STOX2: variants seen among roughly 807,000 people sequenced by gnomAD.
The protein encoded by STOX2 is storkhead box 2.
In STOX2, 28 loss-of-function variants were observed where a neutral mutation model predicts 60.9. The ratio of observed to expected loss-of-function variants is 0.46; its 90% CI spans 0.34 to 0.63. The LOEUF (loss-of-function observed/expected upper bound fraction) is 0.63, where lower values mean the gene tolerates loss of function less well. Ranked by LOEUF, STOX2 falls within the 30% of genes least tolerant of loss-of-function variation. The pLI is 0.01. For synonymous variants in STOX2, 472 were observed against 463.9 expected (o/e 1.02, Z -0.22); for missense variants, 1,024 against 1,187.7 (o/e 0.86, Z 2.03).
At chr4:183,981,959 C>T (rs150760672) in intron 1 of STOX2, among the ~76,000 whole-genome samples, 6 of 152,264 alleles carry the variant, frequency 3.9e-5, no homozygotes, top group African/African-American at 7.2e-5. Flanking sequence ...AACAACAAAA[C>T]GCAAAGTGCA....
intron 1 of STOX2, among the ~76,000 whole-genome samples, chr4:183,929,055 CTTGCCG>C (rs1742334084): frequency 6.6e-6 from 1 of 152,210 alleles, no homozygotes; most frequent in Admixed American, 6.5e-5. Context: ...GTATGTTTCA[CTTGCCG>C]TCTTAATTTT....
intron 1 of STOX2, among the ~76,000 whole-genome samples, chr4:183,861,139 A>G (rs1282282843): frequency 2.6e-5 from 4 of 152,208 alleles, no homozygotes; most frequent in Non-Finnish European, 4.4e-5. Context: ...CTCCTAACTA[A>G]AAGTGCTGTT....
chr4:183,899,129 G>A (rs1242083911), intron 1 of STOX2, among the ~76,000 whole-genome samples: 2 of 152,098 alleles, frequency 1.3e-5, no homozygotes, highest in Non-Finnish European at 2.9e-5. Flanking sequence ...GGGGCTCCAC[G>A]AAGTGTGCCC....
chr4:183,891,085 G>A (rs1741197274), intron 1 of STOX2, among the ~76,000 whole-genome samples: 1 of 152,038 alleles, frequency 6.6e-6, no homozygotes, highest in Non-Finnish European at 1.5e-5. Flanking sequence ...ACCCCAGCCT[G>A]GGCAACAGAG....
intron 1 of STOX2, among the ~76,000 whole-genome samples, chr4:183,863,271 C>T (rs760165753): frequency 6.6e-6 from 1 of 152,188 alleles, no homozygotes; most frequent in African/African-American, 2.4e-5. Flanking sequence ...CTGTGCCCCC[C>T]ACACCAGGCC....
intron 1 of STOX2, among the ~76,000 whole-genome samples, chr4:183,871,843 CA>C (rs562343993): frequency 3.0e-4 from 44 of 146,774 alleles, no homozygotes; most frequent in Admixed American, 7.5e-4. Flanking sequence ...CATTCAATAC[CA>C]AAAAAAAAAT....
At chr4:183,946,991 A>T (rs1158686157) in intron 1 of STOX2, among the ~76,000 whole-genome samples, 1 of 152,144 alleles carries the variant, frequency 6.6e-6, no homozygotes, top group Admixed American at 6.5e-5. Context: ...ATGATTTAAA[A>T]TATATGTAGG....
At chr4:183,847,630 A>G (rs1740017663) in intron 1 of STOX2, among the ~76,000 whole-genome samples, 1 of 152,184 alleles carries the variant, frequency 6.6e-6, no homozygotes, top group Admixed American at 6.5e-5. Context: ...CTTCAAGACC[A>G]CAATCGAACT....
upstream of STOX2, among the ~76,000 whole-genome samples, chr4:183,904,296 A>G (rs191223454): frequency 7.3e-4 from 111 of 152,358 alleles, no homozygotes; most frequent in Non-Finnish European, 1.2e-3. Context: ...GGGTCCGTAA[A>G]TATCTGTGGG....
intron 1 of STOX2, among the ~76,000 whole-genome samples, chr4:183,893,225 A>G (rs1038982669): frequency 6.6e-6 from 1 of 151,478 alleles, no homozygotes; most frequent in African/African-American, 2.4e-5. Context: ...TTCCGCTCGT[A>G]TCTACTGAGA....
chr4:184,016,426 G>C (rs1458753926), intron 3 of STOX2: 1 of 151,740 alleles, frequency 6.6e-6, no homozygotes, highest in Non-Finnish European at 1.5e-5. Context: ...TCCTGCCGAA[G>C]TGGGGCAGAA....
chr4:183,932,711 C>G (rs1742474300), intron 1 of STOX2, among the ~76,000 whole-genome samples: 1 of 124,850 alleles, frequency 8.0e-6, no homozygotes, highest in South Asian at 3.0e-4. Context: ...CTGTTCTGAG[C>G]CTTGTGAAAA....
intron 1 of STOX2, among the ~76,000 whole-genome samples, chr4:183,874,438 C>T (rs1740764839): frequency 1.3e-5 from 2 of 152,176 alleles, no homozygotes; most frequent in African/African-American, 4.8e-5. Context: ...CAGAGGTTCT[C>T]TTTAAGCAAC....
intron 1 of STOX2, among the ~76,000 whole-genome samples, chr4:183,928,646 C>T (rs1742315002): frequency 1.3e-5 from 2 of 152,150 alleles, no homozygotes; most frequent in South Asian, 4.1e-4. Flanking sequence ...CCGGCCGAGC[C>T]TGGCACTCTT....
At chr4:183,882,079 G>C (rs1306734365) in intron 1 of STOX2, among the ~76,000 whole-genome samples, 3 of 152,182 alleles carry the variant, frequency 2.0e-5, no homozygotes, top group Non-Finnish European at 4.4e-5. Flanking sequence ...ACAGATACTA[G>C]GACTTCAGGT....
intron 1 of STOX2, among the ~76,000 whole-genome samples, chr4:183,946,530 A>T (rs565309615): frequency 6.6e-6 from 1 of 152,256 alleles, no homozygotes; most frequent in African/African-American, 2.4e-5. Context: ...TGTGGATCAA[A>T]AATATTTGGA....
At chr4:183,861,485 C>T (rs1327281330) in intron 1 of STOX2, among the ~76,000 whole-genome samples, 2 of 152,214 alleles carry the variant, frequency 1.3e-5, no homozygotes, top group African/African-American at 4.8e-5. Flanking sequence ...ACAAGGACAC[C>T]TCAAAATACC....
At chr4:183,934,757 C>G (rs1366026873) in intron 1 of STOX2, among the ~76,000 whole-genome samples, 1 of 152,128 alleles carries the variant, frequency 6.6e-6, no homozygotes, top group Admixed American at 6.5e-5. Flanking sequence ...TTCAAAGAAT[C>G]AATATGCATC....
intron 1 of STOX2, among the ~76,000 whole-genome samples, chr4:183,932,480 T>C (rs1330076586): frequency 1.5e-5 from 2 of 137,610 alleles, no homozygotes; most frequent in African/African-American, 6.2e-5. Flanking sequence ...TATGTATACA[T>C]ACAGTATATG....
Sources: allele counts gnomAD v4.1 joint callset (sites outside exome capture counted in the v4.1 genomes callset), GRCh38; gene constraint gnomAD v4.1.1; transcripts MANE v1.5; gene names NCBI Gene and HGNC (gene_info 2026-07-23, HGNC 2026-07-21).